ALG2: variants seen among roughly 807,000 people sequenced by gnomAD.
ALG2 encodes the protein alpha-1,3/1,6-mannosyltransferase ALG2.
A neutral mutation model predicts 30.5 loss-of-function variants in ALG2; 32 were observed. The observed-to-expected ratio is 1.05, with a 90% confidence interval of 0.79 to 1.41. ALG2 has a LOEUF of 1.41. Among genes scored for constraint, ALG2 ranks in the 40% most tolerant of loss-of-function variants. ALG2 has a pLI of 0.00. For synonymous variants in ALG2, 253 were observed against 224.8 expected (o/e 1.13, Z -1.12); for missense variants, 574 against 526.4 (o/e 1.09, Z -0.88).
chr9:99,217,931 T>A lies in ALG2; in HGVS notation c.*3A>T. On this transcript the variant is annotated 3_prime_UTR_variant, in exon 2 of 2. Transcript: ENST00000476832. ...ATTAATGGAGATCTTAAAAACAATC[T>A]GATTATACCAGCAGTTTGGTAACAT... is the stretch of plus-strand genomic sequence containing the variant. 2 of 1,614,176 alleles carry A rather than the reference T, an allele frequency of 1.2e-6. No homozygotes were observed. The highest frequency in any genetic ancestry group is 1.7e-6 in the Non-Finnish European group (2 of 1,179,958).
chr9:99,217,311 T>C lies in ALG2; in HGVS notation c.*623A>G. 1 of 454,150 alleles carries C rather than the reference T, an allele frequency of 2.2e-6. No individual in the cohort carries two copies. The highest frequency in any genetic ancestry group is 4.4e-6 in the Non-Finnish European group (1 of 226,792). The allele number at this position is 454,150 out of a possible 1,614,324, so 28.1% of individuals were successfully genotyped here. A position where few individuals can be genotyped will look rare whatever the true frequency, so the allele number is the denominator to read the frequency against. On this transcript the variant is annotated 3_prime_UTR_variant, in exon 2 of 2. Coordinates refer to ENST00000476832, the MANE Select transcript of ALG2 (RefSeq NM_033087.4). ...ATTTCCAGTTTGGTTGTCATATCCA[T>C]GTTCGTAACAATACCAAAATAGATT...
At position 99,217,786 on chromosome 9, in the gene ALG2, G is replaced by A. The variant is rs1275781938; in HGVS notation, c.*148C>T. The A allele has an allele frequency of 7.2e-6, 6 of 839,152 alleles. No homozygotes were observed. The African/African-American group carries it at 1.0e-4, about 14-fold the overall frequency. The allele number at this position is 839,152 out of a possible 1,614,324, so 52.0% of individuals were successfully genotyped here. A position where few individuals can be genotyped will look rare whatever the true frequency, so the allele number is the denominator to read the frequency against. ...TCTGAAAAGTGGACAGGGAGGTGTG[G>A]TATATAGGAAAGTGGCTCACATTCA... On this transcript the variant is annotated 3_prime_UTR_variant, in exon 2 of 2. Coordinates refer to ENST00000476832, the MANE Select transcript of ALG2 (RefSeq NM_033087.4).
At chr9:99,221,428 A>C in intron 1 of ALG2, 119 bp downstream of exon 1, 1 of 1,192,536 alleles carries the variant, frequency 8.4e-7, no homozygotes, top group South Asian at 1.3e-5. Context: ...TGACTTCTCC[A>C]TGTCAGTTCC....
At position 99,217,696 on chromosome 9, in the gene ALG2, ACAC is replaced by A. The variant is rs1459801347; in HGVS notation, c.*235_*237del. 13 of 647,536 alleles carry A rather than the reference ACAC, an allele frequency of 2.0e-5. No homozygotes were observed. The highest frequency in any genetic ancestry group is 1.1e-5 in the Non-Finnish European group (4 of 352,992). 40.1% of individuals were successfully genotyped at this position (647,536 alleles called of 1,614,324 possible). ...AAAATACTCTGCTGAACATGGAATGACACCACATTTGTAACTTAACACTGGCAA... is the reference window on the plus strand; with the variant it reads ...AAAATACTCTGCTGAACATGGAATGACACATTTGTAACTTAACACTGGCAA... On this transcript the variant is annotated 3_prime_UTR_variant, in exon 2 of 2. Transcript: ENST00000476832.
rs773540893 is a variant in ALG2 at position 99,221,695 on chromosome 9, G to A, written c.200C>T (p.Pro67Leu). ...CAGCCAGTCCCCGGCACAGCGCACC[G>A]GTAGCTCGCGGCTCTCGGCGAAACA... Reference protein sequence around the residue: ...GHCFAESRELPVRCAGDWLPR... With the variant: ...GHCFAESRELLVRCAGDWLPR... Residue 67 changes from proline to leucine, a missense_variant, in exon 1 of 2, where the codon CCG (proline) becomes CTG (leucine). Transcript: ENST00000476832. The A allele has an allele frequency of 3.8e-6, 6 of 1,581,704 alleles. No homozygotes were observed. The highest frequency in any genetic ancestry group is 1.7e-5 in the Admixed American group (1 of 57,844).
Position 99,221,932 on chromosome 9 carries a change from G to C in ALG2, c.-38C>G, listed in dbSNP as rs750464253. 1 of 1,543,528 alleles carries C rather than the reference G, an allele frequency of 6.5e-7. No homozygotes were observed. On this transcript the variant is annotated 5_prime_UTR_variant, in exon 1 of 2. Coordinates refer to ENST00000476832, the MANE Select transcript of ALG2 (RefSeq NM_033087.4). ...GCAACTGCACCCCGCACCCTGATGGGGGTCTTCTGCGCAAGCTCCGCGCTC... is the reference window on the plus strand; with the variant it reads ...GCAACTGCACCCCGCACCCTGATGGCGGTCTTCTGCGCAAGCTCCGCGCTC...
chr9:99,218,657 G>A lies in ALG2; in HGVS notation c.528C>T (p.Asn176=), dbSNP rs764793009. ...TAAAAACAGCAGCTGTGAACTGGCT[G>A]TTGACTAAGATGCAGTCTGCCATGC... is the stretch of plus-strand genomic sequence containing the variant. ...TTGMADCILV[N]SQFTAAVFKE... Residue 176 remains asparagine, a synonymous_variant, in exon 2 of 2, where the codon AAC becomes AAT. Transcript: ENST00000476832. 1.9e-6 allele frequency: 3 copies of A among 1,614,170 alleles called. No individual in the cohort carries two copies. Among genetic ancestry groups the A allele is most frequent in the Non-Finnish European group, 2.5e-6 (3 of 1,179,996 alleles).
In ALG2 at chr9:99,221,576, C is replaced by T. The variant is rs1156439417; in HGVS notation, c.319G>A (p.Glu107Lys). The T allele has an allele frequency of 3.2e-6, 5 of 1,544,610 alleles. No homozygotes were observed. In the Admixed American group the frequency reaches 5.9e-5, roughly 18 times the overall value. The stretch of plus-strand genomic sequence containing the variant: ...TCGCACACTACCACGTCGAACTCCT[C>T]GTCGGCGAGGAACAGCACGTAGAGC... ...LALYVLFLAD[E>K]EFDVVVCDQV... Residue 107 changes from glutamate (E) to lysine (K), a missense_variant, in exon 1 of 2, where the codon GAG (glutamate) becomes AAG (lysine). By Grantham distance (56) the Glu-to-Lys change is moderately conservative. Transcript: ENST00000476832.
In ALG2 at chr9:99,221,930, G is replaced by T. The variant is rs185877575; in HGVS notation, c.-36C>A. The T allele has an allele frequency of 4.1e-4, 638 of 1,546,746 alleles. 4 individuals carry two copies. The African/African-American group carries it at 7.9e-3, about 19-fold the overall frequency. On this transcript the variant is annotated 5_prime_UTR_variant, in exon 1 of 2. Transcript: ENST00000476832. The stretch of plus-strand genomic sequence containing the variant: ...CCGCAACTGCACCCCGCACCCTGAT[G>T]GGGGTCTTCTGCGCAAGCTCCGCGC...
chr9:99,218,222 T>C lies in ALG2; in HGVS notation c.963A>G (p.Thr321=), dbSNP rs775476065. ...CAATGCCAAAGTGCTCATTGCTTGG[T>C]GTGTAAAGCACACACGTGCAGCTGT... ...LLHSCTCVLY[T]PSNEHFGIVP... The change falls in exon 2 of 2, where the codon ACA becomes ACG. Residue 321 remains threonine (T), a synonymous_variant. Coordinates refer to ENST00000476832, the MANE Select transcript of ALG2 (RefSeq NM_033087.4). 6.2e-6 allele frequency: 10 copies of C among 1,614,098 alleles called. No individual in the cohort carries two copies. Among genetic ancestry groups the C allele is most frequent in the Non-Finnish European group, 1.7e-6 (2 of 1,180,042 alleles).
rs962017280 is a variant in ALG2 at position 99,221,447 on chromosome 9, C to T, written c.348+100G>A. The T allele has an allele frequency of 9.0e-6, 12 of 1,337,108 alleles. No homozygotes were observed. In the Admixed American group the frequency reaches 1.4e-4, roughly 16 times the overall value. 82.8% of individuals were successfully genotyped at this position (1,337,108 alleles called of 1,614,324 possible). A position where few individuals can be genotyped will look rare whatever the true frequency, so the allele number is the denominator to read the frequency against. On this transcript the variant is annotated intron_variant, in intron 1 of 1. Transcript: ENST00000476832. ...TTCTCCATGTCAGTTCCGATCTTTGCGAACCGCAGACAGGGAAGGTCTTCT... is the reference window on the plus strand; with the variant it reads ...TTCTCCATGTCAGTTCCGATCTTTGTGAACCGCAGACAGGGAAGGTCTTCT...
At chr9:99,219,661 C>T (rs1274239340) in intron 1 of ALG2, among the ~76,000 whole-genome samples, 1 of 152,242 alleles carries the variant, frequency 6.6e-6, no homozygotes, top group Non-Finnish European at 1.5e-5. Context: ...GGCATTACTA[C>T]AGACTTTCTT....
Position 99,217,708 on chromosome 9 carries a change from T to C in ALG2, c.*226A>G. 1.5e-6 allele frequency: 1 copy of C among 661,608 alleles called. No individual in the cohort carries two copies. Among genetic ancestry groups the C allele is most frequent in the East Asian group, 3.0e-5 (1 of 33,380 alleles). The allele number at this position is 661,608 out of a possible 1,614,324, so 41.0% of individuals were successfully genotyped here. ...TGAACATGGAATGACACCACATTTG[T>C]AACTTAACACTGGCAAAATTTGGAA... On this transcript the variant is annotated 3_prime_UTR_variant, in exon 2 of 2. Transcript: ENST00000476832.
chr9:99,218,010 G>A lies in ALG2; in HGVS notation c.1175C>T (p.Ala392Val), dbSNP rs778013932. Residue 392 changes from alanine to valine, a missense_variant, in exon 2 of 2, where the codon GCC becomes GTC. Physicochemically the swap from Ala to Val is moderately conservative, Grantham distance 64. Transcript: ENST00000476832. ...AGGGGAAAATTTTTCCTTCACTCTG[G>A]CTCTTCCAGCCAGGCCCATGGTGGC... ...LKATMGLAGR[A>V]RVKEKFSPEA... The A allele has an allele frequency of 4.3e-6, 7 of 1,614,156 alleles. No individual in the cohort carries two copies. In the Admixed American group the frequency reaches 1.2e-4, roughly 27 times the overall value.
Position 99,221,847 on chromosome 9 carries a change from C to T in ALG2, c.48G>A (p.Ser16=), listed in dbSNP as rs199752563. The part of the protein sequence containing the change: ...GRERDSVPKP[S]VLFLHPDLGV... Reference sequence around the variant, plus strand: ...CCAGGTCTGGGTGGAGGAACAGCACCGACGGCTTGGGAACCGAGTCCCGTT... The same window carrying T: ...CCAGGTCTGGGTGGAGGAACAGCACTGACGGCTTGGGAACCGAGTCCCGTT... The change falls in exon 1 of 2, where the codon TCG becomes TCA. Residue 16 remains serine (S), a synonymous_variant. Coordinates refer to ENST00000476832, the MANE Select transcript of ALG2 (RefSeq NM_033087.4). The T allele has an allele frequency of 2.5e-6, 4 of 1,594,512 alleles. No homozygotes were observed. Among genetic ancestry groups the T allele is most frequent in the Non-Finnish European group, 2.5e-6 (3 of 1,177,714 alleles).
At chr9:99,219,209 T>C (rs762340175) in intron 1 of ALG2, among the ~76,000 whole-genome samples, 2 of 152,276 alleles carry the variant, frequency 1.3e-5, no homozygotes, top group African/African-American at 4.8e-5. Flanking sequence ...AGATACTTTA[T>C]ATATACATAT....
chr9:99,221,655 GC>G lies in ALG2; in HGVS notation c.239del (p.Gly80AlafsTer33). ...CAGDWLPRGLGWGGRGAAVCA... is the reference protein window; with the variant it reads ...CAGDWLPRGLXWGGRGAAVCA... ...AGACGGCGGCGCCGCGGCCGCCCCA[GC>G]CCAGGCCTCGCGGCAGCCAGTCCCC... On this transcript the variant is annotated frameshift_variant, in exon 1 of 2. Transcript: ENST00000476832. LOFTEE classifies it high-confidence loss of function. 1 of 1,546,850 alleles carries G rather than the reference GC, an allele frequency of 6.5e-7. No individual in the cohort carries two copies.
chr9:99,218,097 T>A lies in ALG2; in HGVS notation c.1088A>T (p.Glu363Val), dbSNP rs1324777006. 1.2e-6 allele frequency: 2 copies of A among 1,613,578 alleles called. No homozygotes were observed. The highest frequency in any genetic ancestry group is 1.7e-6 in the Non-Finnish European group (2 of 1,179,706). ...TTCTGAGAAGTGCACCGGGTCAGGC[T>A]CACACAGAAACCCTGTGACACTGTG... ...IDHSVTGFLC[E>V]PDPVHFSEAI... The change falls in exon 2 of 2, where the codon GAG becomes GTG. Residue 363 changes from glutamate (E) to valine (V), a missense_variant. Transcript: ENST00000476832.
In ALG2 at chr9:99,221,904, G is replaced by GCCGCAACTGCACCCCGCAC; in HGVS notation, c.-29_-11dup. 6.3e-7 allele frequency: 1 copy of GCCGCAACTGCACCCCGCAC among 1,580,324 alleles called. No homozygotes were observed. Among genetic ancestry groups the GCCGCAACTGCACCCCGCAC allele is most frequent in the Non-Finnish European group, 8.5e-7 (1 of 1,170,618 alleles). ...CCTGCTCCTCCGCCATGGCCCTGGA[G>GCCGCAACTGCACCCCGCAC]CCGCAACTGCACCCCGCACCCTGAT... On this transcript the variant is annotated 5_prime_UTR_variant, in exon 1 of 2. Transcript: ENST00000476832.
Sources: gnomAD v4.1 joint callset for allele counts (sites outside exome capture counted in the v4.1 genomes callset) on GRCh38, gnomAD v4.1.1 for gene constraint, MANE v1.5 for transcripts, NCBI Gene and HGNC (gene_info 2026-07-23, HGNC 2026-07-21) for gene names.